The following HUWE1 variants were observed in gnomAD, a reference collection of about 807,000 sequenced individuals.
The protein encoded by HUWE1 is E3 ubiquitin-protein ligase HUWE1.
In HUWE1, 18 loss-of-function variants were observed where a neutral mutation model predicts 299.4. That is an observed-to-expected ratio of 0.06 (90% CI 0.04 to 0.09). HUWE1 has a LOEUF of 0.09. Among genes scored for constraint, HUWE1 ranks in the 10% least tolerant of loss-of-function variants. The pLI is 1.00. For missense variants in HUWE1, 1,832 were observed against 3,462.3 expected, an observed-to-expected ratio of 0.53 and a Z score of 11.82; for synonymous variants, 1,317 against 1,286.1, an observed-to-expected ratio of 1.02 and a Z score of -0.51.
At chrX:53,675,237 G>A (rs782058030) in intron 3 of HUWE1, among the ~76,000 whole-genome samples, 1 of 111,444 alleles carries the variant, frequency 9.0e-6, no homozygotes, top group East Asian at 2.8e-4. Context: ...AAAGAGGCTG[G>A]AGCCCAGGTG....
intron 33 of HUWE1, 39 bp downstream of exon 33, chrX:53,592,359 G>C: frequency 9.9e-7 from 1 of 1,012,824 alleles, no homozygotes; most frequent in Non-Finnish European, 1.4e-6. Flanking sequence ...TCCATTGGGT[G>C]CAAAGTCTGG....
At chrX:53,679,401 C>T (rs1557052304) in intron 3 of HUWE1, among the ~76,000 whole-genome samples, 1 of 111,202 alleles carries the variant, frequency 9.0e-6, no homozygotes, top group Non-Finnish European at 1.9e-5. Flanking sequence ...TTTAAAGAGC[C>T]CTTGCCTTTT....
At chrX:53,560,105 T>G (rs1361825270) in intron 56 of HUWE1, 83 bp downstream of exon 56, 2 of 785,443 alleles carry the variant, frequency 2.5e-6, no homozygotes, top group Non-Finnish European at 3.8e-6. Context: ...ATGGACTATT[T>G]CCCCCAAGGT....
chrX:53,668,324 C>T (rs1483871055), intron 3 of HUWE1, among the ~76,000 whole-genome samples: 1 of 109,036 alleles, frequency 9.2e-6, no homozygotes, highest in East Asian at 2.9e-4. Flanking sequence ...CACCTGTAGT[C>T]CCAGCTACTC....
chrX:53,592,445 C>G lies in HUWE1; in HGVS notation c.3925G>C (p.Gly1309Arg), dbSNP rs781999947. The G allele has an allele frequency of 8.3e-6, 10 of 1,211,018 alleles. No individual in the cohort carries two copies. In the Admixed American group the frequency reaches 2.2e-4, roughly 26 times the overall value. The change falls in exon 33 of 84, where the codon GGT becomes CGT. Residue 1309 changes from glycine to arginine, a missense_variant. By Grantham distance (125) the Gly-to-Arg change is moderately radical. Transcript: ENST00000262854. ...ACTTGAGGTTCCCGGCGGGAGCCAC[C>G]TTCCTCTTGCCCTGTATCCTCTTCT... ...RGEEDTGQEE[G>R]GSRREPQVNQ...
At chrX:53,625,853 AGGGCCG>A (rs1299494277) in intron 17 of HUWE1, 36 of 155,667 alleles carry the variant, frequency 2.3e-4, no homozygotes, top group Non-Finnish European at 2.9e-4. Flanking sequence ...GGCCGGGGCC[AGGGCCG>A]GGGCCGGGGC....
intron 43 of HUWE1, 93 bp downstream of exon 43, chrX:53,580,738 C>G (rs782716655): frequency 8.1e-6 from 7 of 863,903 alleles, no homozygotes; most frequent in Non-Finnish European, 1.2e-5. Context: ...CCTAAGGAGG[C>G]TCTTCAAGTT....
rs2083015893 is a variant in HUWE1, at chrX:53,559,341, C to A, written c.7915+13G>T. 8.3e-7 allele frequency: 1 copy of A among 1,205,569 alleles called. No homozygotes were observed. ...TGACAAATTCTACCCTCCCTTTCAC[C>A]ACACAAACTTGCCTGCTTGGCTGGT... On this transcript the variant is annotated intron_variant, in intron 57 of 83. Coordinates refer to ENST00000262854, the MANE Select transcript of HUWE1 (RefSeq NM_031407.7).
At chrX:53,645,222 AAT>A in intron 7 of HUWE1, 87 bp downstream of exon 7, 1 of 964,871 alleles carries the variant, frequency 1.0e-6, no homozygotes, top group Non-Finnish European at 1.5e-6. Context: ...TAGGGATTCT[AAT>A]ATATTTTAAC....
In HUWE1 at chrX:53,677,948, G is replaced by A. The variant is rs782293671; in HGVS notation, c.-25+2101C>T. On this transcript the variant is annotated intron_variant, in intron 3 of 83. Transcript: ENST00000262854. ...CCATTTACTTAATGACTACTGAAAG[G>A]AAAAACTGCTGTCTTTCAATACCTA... Among the ~76,000 whole-genome samples the A allele has an allele frequency of 3.6e-5, 4 of 111,720 alleles. No individual in the cohort carries two copies. In the South Asian group the frequency reaches 1.5e-3, roughly 41 times the overall value.
rs782552578 is a variant in HUWE1 at position 53,533,103 on chromosome X, A to T, written c.*206T>A. 6.9e-6 allele frequency: 3 copies of T among 435,303 alleles called. No homozygotes were observed. In the South Asian group the frequency reaches 1.0e-4, roughly 15 times the overall value. The allele number at this position is 435,303 out of a possible 1,213,427, so 35.9% of individuals were successfully genotyped here. ...ATCATGGACGGCATGGAAAGGGGAGAGAAGGTGAGGAAACAGGCGGCGGGG... is the reference window on the plus strand; with the variant it reads ...ATCATGGACGGCATGGAAAGGGGAGTGAAGGTGAGGAAACAGGCGGCGGGG... On this transcript the variant is annotated 3_prime_UTR_variant, in exon 84 of 84. Coordinates refer to ENST00000262854, the MANE Select transcript of HUWE1 (RefSeq NM_031407.7).
At chrX:53,593,320 T>C (rs1556981153) in intron 32 of HUWE1, 44 bp downstream of exon 32, 2 of 941,334 alleles carry the variant, frequency 2.1e-6, no homozygotes, top group Non-Finnish European at 3.1e-6. Context: ...GGGAACGACT[T>C]AGCATGAGAA....
At chrX:53,574,412 G>C (rs1556956229) in intron 46 of HUWE1, among the ~76,000 whole-genome samples, 1 of 112,348 alleles carries the variant, frequency 8.9e-6, no homozygotes, top group East Asian at 2.8e-4. Context: ...CATTCTGGCA[G>C]TTATCCTGCA....
rs781959807 is a variant in HUWE1, at chrX:53,569,836, TC to T, written c.6313-10del. On this transcript the variant is annotated splice_polypyrimidine_tract_variant and intron_variant, in intron 47 of 83. Coordinates refer to ENST00000262854, the MANE Select transcript of HUWE1 (RefSeq NM_031407.7). The stretch of plus-strand genomic sequence containing the variant: ...GCTAGCACACTGCAGTCCTGAAAAG[TC>T]ATGAATCACGACATTTACTTACAAG... The T allele has an allele frequency of 1.2e-5, 14 of 1,192,970 alleles. No homozygotes were observed. The Admixed American group carries it at 3.1e-4, about 26-fold the overall frequency.
chrX:53,576,470 G>A (rs2063111213), intron 44 of HUWE1, among the ~76,000 whole-genome samples: 1 of 111,783 alleles, frequency 8.9e-6, no homozygotes, highest in Admixed American at 9.4e-5. Flanking sequence ...CAATAAAAAG[G>A]TTTTGCTTGA....
chrX:53,593,746 T>C (rs2064288205), intron 31 of HUWE1, 145 bp from the exon 32 acceptor site: 1 of 478,598 alleles, frequency 2.1e-6, no homozygotes. Context: ...CCAACAGTTT[T>C]CAGCTATACT....
Position 53,671,073 on chromosome X carries a change from A to G in HUWE1, c.-25+8976T>C, listed in dbSNP as rs947444214. 2.7e-5 allele frequency among the ~76,000 whole-genome samples: 3 copies of G among 111,520 alleles called. No individual in the cohort carries two copies. In the Admixed American group the frequency reaches 2.9e-4, roughly 11 times the overall value. ...TACATTTTTACATTCCGGTTGTAGA[A>G]ATTTCTTAAGGATATAAATATGGAT... On this transcript the variant is annotated intron_variant, in intron 3 of 83. Transcript: ENST00000262854.
chrX:53,560,862 T>C (rs1556940418), intron 55 of HUWE1, among the ~76,000 whole-genome samples: 1 of 111,909 alleles, frequency 8.9e-6, no homozygotes, highest in East Asian at 2.8e-4. Flanking sequence ...TGCTTAGTTA[T>C]GATTCCTAAT....
chrX:53,556,435 A>C (rs2062023355), intron 60 of HUWE1: 2 of 316,871 alleles, frequency 6.3e-6, no homozygotes, highest in Admixed American at 8.5e-5. Context: ...CATCTACCCT[A>C]CTTCACTGCT....
Sources: gnomAD v4.1 joint callset for allele counts (sites outside exome capture counted in the v4.1 genomes callset) on GRCh38, gnomAD v4.1.1 for gene constraint, MANE v1.5 for transcripts, NCBI Gene and HGNC (gene_info 2026-07-23, HGNC 2026-07-21) for gene names.